Variants in CIITA observed in about 807,000 individuals in gnomAD.
CIITA encodes MHC class II transactivator.
CIITA carries 72 observed loss-of-function variants against 115.1 expected under a neutral mutation model. That is an observed-to-expected ratio of 0.63 (90% CI 0.52 to 0.76). The LOEUF (loss-of-function observed/expected upper bound fraction) is 0.76. Ranked by LOEUF, CIITA falls within the 30% of genes least tolerant of loss-of-function variation. CIITA has a pLI of 0.00. For synonymous variants in CIITA, 763 were observed against 635.6 expected (o/e 1.20, Z -3.02); for missense variants, 1,617 against 1,463.8 (o/e 1.10, Z -1.71).
rs758428305 is a variant in CIITA, at chr16:10,901,487, G to A, written c.437-27G>A. 1.4e-5 allele frequency: 22 copies of A among 1,613,790 alleles called. No individual in the cohort carries two copies. The highest frequency in any genetic ancestry group is 1.0e-4 in the Admixed American group (6 of 59,990). On this transcript the variant is annotated intron_variant, in intron 5 of 19. Transcript: ENST00000324288. The surrounding 1 kb of genome is among the most constrained non-coding windows in gnomAD (Gnocchi z 6.8). ...TGGCTTGGGACATCCTCTCCCTGGG[G>A]CAGCTGATCACATGTTTTCTCTGCA...
chr16:10,919,020 G>C lies in CIITA; in HGVS notation c.3149+494G>C, dbSNP rs188070579. Among the ~76,000 whole-genome samples, 14 of 152,192 alleles carry C rather than the reference G, an allele frequency of 9.2e-5. No homozygotes were observed. The East Asian group carries it at 2.7e-3, about 29-fold the overall frequency. On this transcript the variant is annotated intron_variant, in intron 16 of 19. Coordinates refer to ENST00000324288, the MANE Select transcript of CIITA (RefSeq NM_000246.4). ...TGGTCCCAGAGGTAATGAGCGGACTGAGCTTGGACCAGAGCCCCAGTCATC... is the reference window on the plus strand; with the variant it reads ...TGGTCCCAGAGGTAATGAGCGGACTCAGCTTGGACCAGAGCCCCAGTCATC...
At chr16:10,938,987 G>C (rs559952079), downstream of CIITA, 5 of 152,344 alleles carry the variant, frequency 3.3e-5, no homozygotes, top group African/African-American at 1.2e-4. The surrounding 1 kb of genome is among the most constrained non-coding windows in gnomAD (Gnocchi z 4.9). Context: ...CTGCTTCAAA[G>C]TCAAATGCTT....
intron 1 of CIITA, among the ~76,000 whole-genome samples, chr16:10,887,695 A>C (rs990828201): frequency 6.6e-6 from 1 of 152,100 alleles, no homozygotes; most frequent in Non-Finnish European, 1.5e-5. Context: ...GGGTTTCACC[A>C]TGCTGGTCAG....
intron 1 of CIITA, among the ~76,000 whole-genome samples, chr16:10,891,845 A>G (rs1055990011): frequency 6.6e-6 from 1 of 152,078 alleles, no homozygotes; most frequent in Non-Finnish European, 1.5e-5. Context: ...TCCTCTAGTC[A>G]TGGTTGGCTG....
At chr16:10,881,284 C>T (rs1367518933) in intron 1 of CIITA, among the ~76,000 whole-genome samples, 2 of 150,382 alleles carry the variant, frequency 1.3e-5, no homozygotes, top group Non-Finnish European at 2.9e-5. Flanking sequence ...GGCAACAGAG[C>T]AAGACTGTCT....
intron 14 of CIITA, among the ~76,000 whole-genome samples, 163 bp downstream of exon 14, chr16:10,915,813 G>A (rs1002245263): frequency 1.1e-4 from 17 of 152,192 alleles, no homozygotes; most frequent in Admixed American, 1.1e-3. Flanking sequence ...CAACCTCTGG[G>A]TTTTGACAAC....
chr16:10,909,875 T>C (rs2039438333), intron 12 of CIITA, among the ~76,000 whole-genome samples: 1 of 151,804 alleles, frequency 6.6e-6, no homozygotes, highest in Admixed American at 6.6e-5. Context: ...GCTGGGATTA[T>C]AGGTGCACGT....
chr16:10,882,620 G>A (rs1055689708), intron 1 of CIITA, among the ~76,000 whole-genome samples: 12 of 152,000 alleles, frequency 7.9e-5, no homozygotes, highest in East Asian at 1.9e-4. Flanking sequence ...ATTCCAGGCC[G>A]GGCATGGTGG....
At position 10,923,271 on chromosome 16, in the gene CIITA, C is replaced by A. The variant is rs2145173097; in HGVS notation, c.3361C>A (p.Gln1121Lys). 6.5e-7 allele frequency: 1 copy of A among 1,545,152 alleles called. No homozygotes were observed. Among genetic ancestry groups the A allele is most frequent in the Non-Finnish European group, 8.8e-7 (1 of 1,137,394 alleles). The part of the protein sequence containing the change: ...TIPFSVQEHL[Q>K]QQDSRISLR ...CCCATTCAGTGTCCAGGAACACCTG[C>A]AACAACAGGATTCACGGATCAGCCT... Residue 1121 changes from glutamine to lysine, a missense_variant, in exon 19 of 20, where the codon CAA (glutamine) becomes AAA (lysine). By Grantham distance (53) the Gln-to-Lys change is moderately conservative (BLOSUM62 1). Coordinates refer to ENST00000324288, the MANE Select transcript of CIITA (RefSeq NM_000246.4). The surrounding 1 kb of genome is among the most constrained non-coding windows in gnomAD (Gnocchi z 5.2).
chr16:10,907,117 C>T lies in CIITA; in HGVS notation c.1625C>T (p.Thr542Ile). The change falls in exon 11 of 20, where the codon ACC becomes ATC. Residue 542 changes from threonine (T) to isoleucine (I), a missense_variant. Coordinates refer to ENST00000324288, the MANE Select transcript of CIITA (RefSeq NM_000246.4). This position sits in a 1 kb window ranked among gnomAD's most constrained non-coding sequence, Gnocchi z 5.0. The stretch of plus-strand genomic sequence containing the variant: ...CAGAAGAAGCTGCTCCGAGGTTGCA[C>T]CCTCCTCCTCACAGCCCGGCCCCGG... ...LFQKKLLRGC[T>I]LLLTARPRGR... 6.2e-7 allele frequency: 1 copy of T among 1,611,452 alleles called. No individual in the cohort carries two copies. The highest frequency in any genetic ancestry group is 8.5e-7 in the Non-Finnish European group (1 of 1,179,798).
At chr16:10,889,015 T>A (rs1316683042) in intron 1 of CIITA, among the ~76,000 whole-genome samples, 1 of 152,240 alleles carries the variant, frequency 6.6e-6, no homozygotes, top group Non-Finnish European at 1.5e-5. Context: ...ATTTGGTACC[T>A]GGCACTTGCT....
At chr16:10,882,588 A>C (rs1369605129) in intron 1 of CIITA, among the ~76,000 whole-genome samples, 2 of 151,998 alleles carry the variant, frequency 1.3e-5, no homozygotes, top group Admixed American at 6.6e-5. Flanking sequence ...AAATTAATAA[A>C]AATAAATTTT....
chr16:10,915,520 AG>A (rs1185199993), intron 13 of CIITA, 49 bp from the exon 14 acceptor site: 2 of 1,440,164 alleles, frequency 1.4e-6, no homozygotes, highest in Non-Finnish European at 2.0e-6. Context: ...GGGCTGAATG[AG>A]GGGCTGTGAC....
intron 1 of CIITA, among the ~76,000 whole-genome samples, chr16:10,867,214 A>G (rs1422411560): frequency 6.6e-6 from 1 of 151,774 alleles, no homozygotes; most frequent in African/African-American, 2.4e-5. Context: ...ACTGCACTCC[A>G]GTCTGGGCAA....
At chr16:10,888,929 C>T (rs1361829854) in intron 1 of CIITA, among the ~76,000 whole-genome samples, 1 of 152,232 alleles carries the variant, frequency 6.6e-6, no homozygotes, top group African/African-American at 2.4e-5. Flanking sequence ...GAGCCTGTCT[C>T]TTCATCTGAA....
In CIITA at chr16:10,901,688, G is replaced by A. The variant is rs751632440; in HGVS notation, c.481+130G>A. The A allele has an allele frequency of 1.9e-6, 2 of 1,041,980 alleles. No individual in the cohort carries two copies. The highest frequency in any genetic ancestry group is 5.2e-5 in the East Asian group (2 of 38,618). 64.5% of individuals were successfully genotyped at this position (1,041,980 alleles called of 1,614,324 possible). On this transcript the variant is annotated intron_variant, in intron 6 of 19. Coordinates refer to ENST00000324288, the MANE Select transcript of CIITA (RefSeq NM_000246.4). This position sits in a 1 kb window ranked among gnomAD's most constrained non-coding sequence, Gnocchi z 6.8. ...CAGCCCCTGCCCTTCTTTGGGTAGA[G>A]GCTGAGAGCTTGGGGTCCCTTAGAG...
At chr16:10,914,743 C>T (rs2039831851) in intron 13 of CIITA, among the ~76,000 whole-genome samples, 2 of 152,146 alleles carry the variant, frequency 1.3e-5, no homozygotes. Context: ...GAGATAAGAG[C>T]CCATAGCTCA....
At chr16:10,909,319 C>T in intron 12 of CIITA, 132 bp downstream of exon 12, 2 of 946,462 alleles carry the variant, frequency 2.1e-6, no homozygotes, top group Non-Finnish European at 3.4e-6. Flanking sequence ...TCTTTCTGGG[C>T]AATGGCTAAC....
rs988009852 is a variant in CIITA at position 10,879,617 on chromosome 16, G to T, written c.52+2235G>T. On this transcript the variant is annotated intron_variant, in intron 1 of 19. Transcript: ENST00000324288. This position sits in a 1 kb window ranked among gnomAD's most constrained non-coding sequence, Gnocchi z 4.3. Reference sequence around the variant, plus strand: ...ACTCTCGTTGAACATCTTGGCGAAGGTGTGTGTTGTTGGGAGGGGTGGGGG... The same window carrying T: ...ACTCTCGTTGAACATCTTGGCGAAGTTGTGTGTTGTTGGGAGGGGTGGGGG... Among the ~76,000 whole-genome samples the T allele has an allele frequency of 2.0e-5, 3 of 151,632 alleles. No homozygotes were observed. The highest frequency in any genetic ancestry group is 6.6e-5 in the Admixed American group (1 of 15,234).
Sources: gnomAD v4.1 joint callset for allele counts (sites outside exome capture counted in the v4.1 genomes callset) on GRCh38, gnomAD v4.1.1 for gene constraint, Gnocchi (gnomAD v3.1) non-coding constraint, MANE v1.5 for transcripts, NCBI Gene and HGNC (gene_info 2026-07-23, HGNC 2026-07-21) for gene names.